PREX1: variants seen among roughly 807,000 people sequenced by gnomAD.
PREX1 encodes the protein phosphatidylinositol 3,4,5-trisphosphate-dependent Rac exchanger 1 protein.
PREX1 carries 41 observed loss-of-function variants against 198.3 expected under a neutral mutation model. That is an observed-to-expected ratio of 0.21 (90% CI 0.16 to 0.27). PREX1 has a LOEUF of 0.27. Among genes scored for constraint, PREX1 ranks in the 10% least tolerant of loss-of-function variants. PREX1 has a pLI of 1.00. For synonymous variants in PREX1, 843 were observed against 887.2 expected (o/e 0.95, Z 0.89); for missense variants, 1,620 against 2,200.7 (o/e 0.74, Z 5.28).
intron 2 of PREX1, among the ~76,000 whole-genome samples, chr20:48,745,975 C>T (rs2122773510): frequency 6.6e-6 from 1 of 152,214 alleles, no homozygotes; most frequent in East Asian, 1.9e-4. Flanking sequence ...ATTACTTTGC[C>T]TCTCTGAGTC....
At chr20:48,853,390 G>C in the PREX1 span, among the ~76,000 whole-genome samples, 10 of 152,192 alleles carry the variant, frequency 6.6e-5, no homozygotes, top group Non-Finnish European at 1.3e-4. Flanking sequence ...CATGGCTGAA[G>C]GCACCTCTTC....
At chr20:48,671,759 C>T (rs1489290457) in intron 14 of PREX1, among the ~76,000 whole-genome samples, 2 of 152,136 alleles carry the variant, frequency 1.3e-5, no homozygotes, top group African/African-American at 4.8e-5. Flanking sequence ...CACGCGGGCA[C>T]ACCCTCCTCC....
intron 1 of PREX1, among the ~76,000 whole-genome samples, chr20:48,797,186 G>A (rs546766180): frequency 1.1e-3 from 165 of 152,110 alleles, no homozygotes; most frequent in African/African-American, 3.8e-3. Flanking sequence ...TTACCAGAGG[G>A]AGCTCTTTGC....
At chr20:48,650,681 C>T (rs553730612) in intron 23 of PREX1, among the ~76,000 whole-genome samples, 10 of 152,336 alleles carry the variant, frequency 6.6e-5, no homozygotes, top group Admixed American at 2.0e-4. Context: ...GTGAACCCAG[C>T]GCTAAGGAAA....
the PREX1 span, among the ~76,000 whole-genome samples, chr20:48,844,948 C>T: frequency 6.6e-6 from 1 of 152,194 alleles, no homozygotes; most frequent in African/African-American, 2.4e-5. Context: ...TGGACATCTT[C>T]CCAAGCAGTC....
chr20:48,636,730 C>A, intron 31 of PREX1, 47 bp from the exon 32 acceptor site: 1 of 1,503,332 alleles, frequency 6.7e-7, no homozygotes, highest in South Asian at 1.3e-5. Flanking sequence ...GCTCCCGTGC[C>A]ACCAGGAGGC....
intron 5 of PREX1, among the ~76,000 whole-genome samples, chr20:48,723,667 C>T (rs1304872476): frequency 6.6e-6 from 1 of 152,184 alleles, no homozygotes; most frequent in Non-Finnish European, 1.5e-5. Context: ...CCGCAGCCAC[C>T]CCATCGCTTT....
intron 1 of PREX1, among the ~76,000 whole-genome samples, chr20:48,798,274 T>A (rs982230911): frequency 6.6e-6 from 1 of 152,034 alleles, no homozygotes; most frequent in Admixed American, 6.6e-5. Flanking sequence ...CCCAGCTCTA[T>A]CTCCATCCAC....
chr20:48,743,468 C>T (rs1467953052), intron 3 of PREX1, among the ~76,000 whole-genome samples: 1 of 152,232 alleles, frequency 6.6e-6, no homozygotes, highest in African/African-American at 2.4e-5. Context: ...GCTACTCCCC[C>T]TCACAGCAGC....
Position 48,692,655 on chromosome 20 carries a change from G to A in PREX1, c.1036+17C>T. On this transcript the variant is annotated intron_variant, in intron 8 of 39. Coordinates refer to ENST00000371941, the MANE Select transcript of PREX1 (RefSeq NM_020820.4). Reference sequence around the variant, plus strand: ...AGGGCTCAGGCAGGGCTCAGGCAAGGCTGGGGGAGGGGCTACCTGTCCCAT... The same window carrying A: ...AGGGCTCAGGCAGGGCTCAGGCAAGACTGGGGGAGGGGCTACCTGTCCCAT... 1 of 1,603,310 alleles carries A rather than the reference G, an allele frequency of 6.2e-7. No homozygotes were observed. Among genetic ancestry groups the A allele is most frequent in the Non-Finnish European group, 8.5e-7 (1 of 1,170,282 alleles).
chr20:48,788,764 C>T (rs1215812349), intron 1 of PREX1, among the ~76,000 whole-genome samples: 2 of 152,184 alleles, frequency 1.3e-5, no homozygotes, highest in Non-Finnish European at 2.9e-5. Flanking sequence ...TCATAAGAGG[C>T]TCTGCCCTCA....
intron 1 of PREX1, among the ~76,000 whole-genome samples, chr20:48,804,346 G>A (rs562351590): frequency 6.6e-6 from 1 of 152,340 alleles, no homozygotes; most frequent in Non-Finnish European, 1.5e-5. Context: ...AGAAGAGGGA[G>A]ACAGAGGGGG....
At chr20:48,776,984 G>GCGAAAGGT (rs1228263257) in intron 1 of PREX1, among the ~76,000 whole-genome samples, 16 of 152,142 alleles carry the variant, frequency 1.1e-4, no homozygotes, top group Non-Finnish European at 2.9e-5. Context: ...CCTGCGATGT[G>GCGAAAGGT]CGAAAGGTCC....
the PREX1 span, among the ~76,000 whole-genome samples, chr20:48,877,255 G>A: frequency 6.7e-6 from 1 of 148,292 alleles, no homozygotes; most frequent in Non-Finnish European, 1.5e-5. Context: ...TGGTCAACAA[G>A]AGCGAAACTC....
chr20:48,836,324 G>A, the PREX1 span, among the ~76,000 whole-genome samples: 3 of 152,208 alleles, frequency 2.0e-5, no homozygotes, highest in Non-Finnish European at 2.9e-5. Flanking sequence ...AGATCACCCA[G>A]GGAGGGTATG....
intron 7 of PREX1, among the ~76,000 whole-genome samples, chr20:48,698,400 G>C (rs566056728): frequency 1.6e-4 from 25 of 152,278 alleles, no homozygotes; most frequent in Non-Finnish European, 2.9e-4. Context: ...TCTGGGAAAA[G>C]TGCCTGCTCC....
At chr20:48,829,099 T>C (rs2090528048), upstream of PREX1, among the ~76,000 whole-genome samples, 1 of 152,242 alleles carries the variant, frequency 6.6e-6, no homozygotes, top group Admixed American at 6.5e-5. Flanking sequence ...TGGGAAGTAC[T>C]TAGCACCTAG....
intron 5 of PREX1, among the ~76,000 whole-genome samples, chr20:48,721,567 G>C (rs1329426951): frequency 6.6e-6 from 1 of 152,242 alleles, no homozygotes; most frequent in Admixed American, 6.5e-5. Context: ...CAGAGAAGAT[G>C]ACAAGGTCAG....
intron 14 of PREX1, among the ~76,000 whole-genome samples, chr20:48,674,668 C>A (rs1225184426): frequency 6.6e-6 from 1 of 152,142 alleles, no homozygotes; most frequent in Non-Finnish European, 1.5e-5. Context: ...TCCCCATCTG[C>A]AAGTAGGTTA....
Sources: allele counts gnomAD v4.1 joint callset (sites outside exome capture counted in the v4.1 genomes callset), GRCh38; gene constraint gnomAD v4.1.1; transcripts MANE v1.5; gene names NCBI Gene and HGNC (gene_info 2026-07-23, HGNC 2026-07-21).